Variants in FLACC1 observed in about 807,000 individuals in gnomAD.
FLACC1 encodes the protein flagellum-associated coiled-coil domain-containing protein 1.
Under a neutral mutation model 62.8 loss-of-function variants are expected in FLACC1, and 66 were observed. The ratio of observed to expected loss-of-function variants is 1.05; its 90% CI spans 0.86 to 1.29. The LOEUF (loss-of-function observed/expected upper bound fraction) is 1.29, where lower values mean the gene tolerates loss of function less well. Ranked by LOEUF, FLACC1 falls within the 50% of genes most tolerant of loss-of-function variation. FLACC1 has a pLI of 0.00. For synonymous variants in FLACC1, 156 were observed against 161.0 expected (o/e 0.97, Z 0.24); for missense variants, 452 against 489.1 (o/e 0.92, Z 0.71).
chr2:201,315,687 T>C (rs1254320698), intron 9 of FLACC1, among the ~76,000 whole-genome samples: 1 of 152,118 alleles, frequency 6.6e-6, no homozygotes, highest in East Asian at 1.9e-4. Context: ...ATTTAAAATA[T>C]ACCCTGGAAC....
chr2:201,311,921 A>G (rs1180173974), intron 9 of FLACC1, among the ~76,000 whole-genome samples: 1 of 152,132 alleles, frequency 6.6e-6, no homozygotes, highest in Non-Finnish European at 1.5e-5. Context: ...TTATCAAAGG[A>G]ACTTACTTCA....
chr2:201,325,173 G>A (rs1249089415), intron 9 of FLACC1, among the ~76,000 whole-genome samples: 1 of 152,020 alleles, frequency 6.6e-6, no homozygotes, highest in African/African-American at 2.4e-5. Context: ...TACAGCAAAA[G>A]CAGTGCTAGG....
At chr2:201,315,088 A>G (rs2125572710) in intron 9 of FLACC1, among the ~76,000 whole-genome samples, 1 of 152,288 alleles carries the variant, frequency 6.6e-6, no homozygotes, top group East Asian at 1.9e-4. Context: ...AACCTCTTTA[A>G]AGCATAAATC....
chr2:201,321,500 T>C (rs944570667), intron 9 of FLACC1, among the ~76,000 whole-genome samples: 11 of 152,080 alleles, frequency 7.2e-5, no homozygotes, highest in Non-Finnish European at 1.5e-4. Flanking sequence ...CCCCCACCCA[T>C]TGTCTACCAC....
chr2:201,313,697 C>T (rs1218307159), intron 9 of FLACC1, among the ~76,000 whole-genome samples: 1 of 152,264 alleles, frequency 6.6e-6, no homozygotes, highest in Admixed American at 6.5e-5. Context: ...CTGATCCTCC[C>T]CATACTACCA....
Position 201,328,318 on chromosome 2 carries a change from C to T in FLACC1, c.675+2152G>A, listed in dbSNP as rs1259627911. ...TATCCCCAAAGCTATTGAAATAAAA[C>T]TTTTTTAAAAACCCCAAAGTAAAAA... On this transcript the variant is annotated intron_variant, in intron 9 of 14. Transcript: ENST00000392257. 2.6e-5 allele frequency among the ~76,000 whole-genome samples: 4 copies of T among 152,044 alleles called. No individual in the cohort carries two copies. In the South Asian group the frequency reaches 6.2e-4, roughly 24 times the overall value.
intron 9 of FLACC1, among the ~76,000 whole-genome samples, chr2:201,312,767 C>T (rs1576434458): frequency 1.3e-5 from 2 of 152,272 alleles, no homozygotes; most frequent in East Asian, 1.9e-4. Context: ...AGTCTTGCAT[C>T]GTGAACTTTT....
intron 1 of FLACC1, among the ~76,000 whole-genome samples, chr2:201,354,173 A>C (rs912730048): frequency 1.3e-5 from 2 of 152,242 alleles, no homozygotes; most frequent in Non-Finnish European, 2.9e-5. Context: ...TCTGTTTTAC[A>C]TATGAGGATA....
intron 6 of FLACC1, among the ~76,000 whole-genome samples, chr2:201,343,805 G>A (rs1007562823): frequency 1.3e-5 from 2 of 152,228 alleles, no homozygotes; most frequent in African/African-American, 2.4e-5. Flanking sequence ...CATTAAGTGC[G>A]CTGGTGTCGT....
intron 6 of FLACC1, among the ~76,000 whole-genome samples, 199 bp from the exon 7 acceptor site, chr2:201,342,630 C>T (rs1187010331): frequency 6.6e-6 from 1 of 152,356 alleles, no homozygotes; most frequent in Admixed American, 6.5e-5. Context: ...ACAATTTGTG[C>T]CTTGCTCTAT....
At position 201,289,502 on chromosome 2, in the gene FLACC1, T is replaced by C. The variant is rs1949678441; in HGVS notation, c.1097A>G (p.Tyr366Cys). ...CGTCAGGATCTGTATGGTGTGCTTATACTTTTCTTCAGTTTCAGCAAACTT... is the reference window on the plus strand; with the variant it reads ...CGTCAGGATCTGTATGGTGTGCTTACACTTTTCTTCAGTTTCAGCAAACTT... ...QTKFAETEEK[Y>C]KHTIQILTEE... Residue 366 changes from tyrosine to cysteine, a missense_variant, in exon 14 of 15, where the codon TAT becomes TGT. Around this residue, in one of 3 missense-constraint regions of FLACC1, gnomAD observed 301 missense variants for 318.4 expected, o/e 0.95. Transcript: ENST00000392257. 6.2e-7 allele frequency: 1 copy of C among 1,614,266 alleles called. No individual in the cohort carries two copies. The highest frequency in any genetic ancestry group is 8.5e-7 in the Non-Finnish European group (1 of 1,180,046).
In FLACC1 at chr2:201,346,773, G is replaced by T. The variant is rs527401525; in HGVS notation, c.235-98C>A. ...GCCTCACTCACATCTTAAAAACAGG[G>T]ACCTGGGACTCCACAGCCCAAGCCC... On this transcript the variant is annotated intron_variant, in intron 4 of 14. Transcript: ENST00000392257. This position sits in a 1 kb window ranked among gnomAD's most constrained non-coding sequence, Gnocchi z 4.0. The T allele has an allele frequency of 7.1e-4, 1,058 of 1,488,668 alleles. 1 individual carries two copies. The highest frequency in any genetic ancestry group is 9.2e-4 in the Non-Finnish European group (1,000 of 1,089,834). 92.2% of individuals were successfully genotyped at this position (1,488,668 alleles called of 1,614,324 possible).
At chr2:201,304,870 G>A (rs1950068751) in intron 11 of FLACC1, among the ~76,000 whole-genome samples, 1 of 152,110 alleles carries the variant, frequency 6.6e-6, no homozygotes, top group Admixed American at 6.6e-5. Flanking sequence ...TTGGAAAACT[G>A]GCTAGCCATA....
upstream of FLACC1, among the ~76,000 whole-genome samples, chr2:201,361,286 T>C (rs1268430463): frequency 6.6e-6 from 1 of 152,238 alleles, no homozygotes; most frequent in East Asian, 1.9e-4. Flanking sequence ...TTGTGGGTGA[T>C]GCTGCTGCTG....
intron 9 of FLACC1, among the ~76,000 whole-genome samples, chr2:201,320,568 A>T (rs1405506303): frequency 6.6e-6 from 1 of 152,054 alleles, no homozygotes; most frequent in Non-Finnish European, 1.5e-5. Flanking sequence ...GCTTCTCCTC[A>T]CTCTGCACAA....
At chr2:201,307,003 G>A (rs1463311367) in intron 11 of FLACC1, among the ~76,000 whole-genome samples, 2 of 152,124 alleles carry the variant, frequency 1.3e-5, no homozygotes, top group East Asian at 1.9e-4. Context: ...CCACTGGAAT[G>A]GCCAAAATTA....
intron 14 of FLACC1, 116 bp from the exon 15 acceptor site, chr2:201,288,897 A>C: frequency 3.1e-5 from 37 of 1,201,116 alleles, no homozygotes; most frequent in Non-Finnish European, 4.1e-5. Context: ...GCAGTCTCTC[A>C]CTCATTACTT....
intron 8 of FLACC1, 23 bp from the exon 9 acceptor site, chr2:201,330,545 GATC>G (rs1950572554): frequency 1.2e-6 from 2 of 1,609,278 alleles, no homozygotes; most frequent in Admixed American, 1.7e-5. Flanking sequence ...AAAACAACAG[GATC>G]ATCATTAGTC....
At chr2:201,340,136 T>C (rs577861073) in intron 7 of FLACC1, among the ~76,000 whole-genome samples, 1 of 152,256 alleles carries the variant, frequency 6.6e-6, no homozygotes, top group South Asian at 2.1e-4. Flanking sequence ...ACAGGTGACA[T>C]GAGTCTCTTG....
Sources: allele counts gnomAD v4.1 joint callset (sites outside exome capture counted in the v4.1 genomes callset), GRCh38; gene constraint gnomAD v4.1.1; regional missense constraint gnomAD v4.1.1; non-coding constraint Gnocchi (gnomAD v3.1); transcripts MANE v1.5; gene names NCBI Gene and HGNC (gene_info 2026-07-23, HGNC 2026-07-21).